The following RAPGEF4 variants were observed in gnomAD, a reference collection of about 807,000 sequenced individuals.
RAPGEF4 encodes the protein Rap guanine nucleotide exchange factor 4, also known as RAP guanine-nucleotide-exchange factor (GEF) 4.
RAPGEF4 carries 66 observed loss-of-function variants against 147.9 expected under a neutral mutation model. The observed-to-expected ratio is 0.45, with a 90% confidence interval of 0.37 to 0.55. RAPGEF4 has a LOEUF of 0.55. Ranked by LOEUF, RAPGEF4 falls within the 20% of genes least tolerant of loss-of-function variation. The pLI is 0.00. For synonymous variants in RAPGEF4, 419 were observed against 442.7 expected (o/e 0.95, Z 0.67); for missense variants, 1,071 against 1,257.3 (o/e 0.85, Z 2.24).
chr2:172,755,614 T>G (rs1037807390), intron 1 of RAPGEF4, among the ~76,000 whole-genome samples: 3 of 152,142 alleles, frequency 2.0e-5, no homozygotes, highest in Non-Finnish European at 2.9e-5. Context: ...CAGGTTTGTC[T>G]CGAACTCCTG....
chr2:173,019,260 A>G (rs1252026731), intron 22 of RAPGEF4, among the ~76,000 whole-genome samples: 1 of 152,256 alleles, frequency 6.6e-6, no homozygotes, highest in Non-Finnish European at 1.5e-5. Context: ...CCTGGCTCAA[A>G]TGAAATGAGG....
At chr2:172,974,106 A>G (rs988913530) in intron 10 of RAPGEF4, among the ~76,000 whole-genome samples, 6 of 152,244 alleles carry the variant, frequency 3.9e-5, no homozygotes, top group Non-Finnish European at 7.3e-5. Context: ...ACTGTGCTAA[A>G]CAATTACTTA....
At chr2:172,871,919 T>C (rs1040094217) in intron 4 of RAPGEF4, among the ~76,000 whole-genome samples, 1 of 152,172 alleles carries the variant, frequency 6.6e-6, no homozygotes, top group African/African-American at 2.4e-5. Context: ...TTAACCAACT[T>C]GCTTGGAGTC....
At chr2:172,747,842 T>C (rs12990313) in intron 1 of RAPGEF4, among the ~76,000 whole-genome samples, 33,658 of 152,168 alleles carry the variant, frequency 0.22, 3,998 homozygotes, top group South Asian at 0.25. Flanking sequence ...CTTCAGCTCC[T>C]GGCAACCATC....
At chr2:172,872,604 G>A (rs1454585096) in intron 4 of RAPGEF4, among the ~76,000 whole-genome samples, 3 of 152,002 alleles carry the variant, frequency 2.0e-5, no homozygotes, top group Admixed American at 6.6e-5. Context: ...TTCTCATGAT[G>A]GTGAGTGAGT....
At chr2:172,950,198 A>C (rs1056951874) in intron 6 of RAPGEF4, among the ~76,000 whole-genome samples, 1 of 152,122 alleles carries the variant, frequency 6.6e-6, no homozygotes. Context: ...TTGTGACCCA[A>C]ACTCTGCCAT....
chr2:173,013,613 G>C (rs3769228), intron 17 of RAPGEF4, among the ~76,000 whole-genome samples: 15,194 of 152,148 alleles, frequency 0.1, 931 homozygotes, highest in African/African-American at 0.16. Context: ...GCCTCCTGTA[G>C]AGCATACAAG....
chr2:172,835,473 A>G (rs901110289), intron 4 of RAPGEF4, among the ~76,000 whole-genome samples: 55 of 152,222 alleles, frequency 3.6e-4, no homozygotes, highest in Admixed American at 2.5e-3. Flanking sequence ...TGGTATCAAA[A>G]TGAGGTTTTA....
At chr2:172,981,098 C>G (rs766348637) in intron 10 of RAPGEF4, among the ~76,000 whole-genome samples, 34 of 152,296 alleles carry the variant, frequency 2.2e-4, no homozygotes, top group Non-Finnish European at 3.8e-4. Context: ...AATTCTAAGC[C>G]TTTCTTTTCC....
At chr2:173,034,080 G>T (rs1208193573) in intron 27 of RAPGEF4, 116 bp downstream of exon 27, 1 of 947,590 alleles carries the variant, frequency 1.1e-6, no homozygotes, top group African/African-American at 1.7e-5. Context: ...ACTTTAAGAA[G>T]TTTATGATCC....
chr2:172,986,660 C>T (rs548560970), intron 12 of RAPGEF4, among the ~76,000 whole-genome samples: 1 of 151,078 alleles, frequency 6.6e-6, no homozygotes, highest in South Asian at 2.1e-4. Flanking sequence ...CCTTCTTAAT[C>T]TTTGTCAGAT....
chr2:172,982,600 G>A (rs115097019), intron 10 of RAPGEF4, among the ~76,000 whole-genome samples: 3,190 of 152,146 alleles, frequency 0.021, 114 homozygotes, highest in African/African-American at 0.072. Context: ...TTATAGATAC[G>A]AAAAGTGATT....
At chr2:172,787,765 A>C (rs777798095) in intron 1 of RAPGEF4, among the ~76,000 whole-genome samples, 2 of 151,966 alleles carry the variant, frequency 1.3e-5, no homozygotes, top group African/African-American at 4.8e-5. Flanking sequence ...GAACACAGGC[A>C]TGCACCAAAA....
intron 15 of RAPGEF4, among the ~76,000 whole-genome samples, chr2:172,995,292 T>C (rs1048795314): frequency 7.6e-5 from 11 of 144,948 alleles, no homozygotes; most frequent in Non-Finnish European, 1.5e-4. Flanking sequence ...TGTGTGTGTT[T>C]GTATTTTGAG....
At position 172,955,505 on chromosome 2, in the gene RAPGEF4, C is replaced by T. The variant is rs576021554; in HGVS notation, c.538-5255C>T. ...TGAATGCCTCTGCCTTTATCTGTCCCCCCTGCCTCGCGGTTTTAGGATCAC... is the reference window on the plus strand; with the variant it reads ...TGAATGCCTCTGCCTTTATCTGTCCTCCCTGCCTCGCGGTTTTAGGATCAC... On this transcript the variant is annotated intron_variant, in intron 6 of 30. Transcript: ENST00000397081. Among the ~76,000 whole-genome samples, 252 of 152,292 alleles carry T rather than the reference C, an allele frequency of 1.7e-3. 1 individual carries two copies. Among genetic ancestry groups the T allele is most frequent in the Non-Finnish European group, 2.1e-3 (144 of 68,028 alleles).
chr2:172,741,649 T>TA (rs1456501700), intron 1 of RAPGEF4, among the ~76,000 whole-genome samples: 18 of 152,102 alleles, frequency 1.2e-4, no homozygotes, highest in African/African-American at 4.3e-4. Flanking sequence ...AAAGAAGAAA[T>TA]AGCAGTATGA....
rs1686377413 is a variant in RAPGEF4, at chr2:173,052,855, C to T, written c.*1088C>T. 6.6e-6 allele frequency: 1 copy of T among 152,086 alleles called. No individual in the cohort carries two copies. The highest frequency in any genetic ancestry group is 2.1e-4 in the South Asian group (1 of 4,818). The allele number at this position is 152,086 out of a possible 1,614,324, so 9.4% of individuals were successfully genotyped here. A position where few individuals can be genotyped will look rare whatever the true frequency, so the allele number is the denominator to read the frequency against. ...ATGTATGTATATCTTCTGTAAATAA[C>T]ATCTAGTATCTTCACTAAATATAAT... On this transcript the variant is annotated 3_prime_UTR_variant, in exon 31 of 31. Transcript: ENST00000397081.
At chr2:172,919,093 T>C (rs1415750408) in intron 5 of RAPGEF4, among the ~76,000 whole-genome samples, 1 of 152,128 alleles carries the variant, frequency 6.6e-6, no homozygotes, top group African/African-American at 2.4e-5. Context: ...TTGCTTTCTT[T>C]CTCTCCTGGC....
intron 6 of RAPGEF4, among the ~76,000 whole-genome samples, chr2:172,928,799 G>A (rs1298294524): frequency 6.6e-6 from 1 of 152,144 alleles, no homozygotes; most frequent in Non-Finnish European, 1.5e-5. Flanking sequence ...CAGATAACCT[G>A]TGTAATGTTC....
Sources: allele counts gnomAD v4.1 joint callset (sites outside exome capture counted in the v4.1 genomes callset), GRCh38; gene constraint gnomAD v4.1.1; transcripts MANE v1.5; gene names NCBI Gene and HGNC (gene_info 2026-07-23, HGNC 2026-07-21).